PCDHGB2: variants seen among roughly 807,000 people sequenced by gnomAD.
The protein encoded by PCDHGB2 is protocadherin gamma-B2.
A neutral mutation model predicts 59.3 loss-of-function variants in PCDHGB2; 55 were observed. That is an observed-to-expected ratio of 0.93 (90% CI 0.75 to 1.16). PCDHGB2 has a LOEUF of 1.16. PCDHGB2 is among the 50% of genes most tolerant of loss of function. The probability of loss-of-function intolerance (pLI) is 0.00; values close to 1 mark genes in which losing one functional copy is unlikely to be tolerated. For synonymous variants in PCDHGB2, 516 were observed against 512.0 expected (o/e 1.01, Z -0.11); for missense variants, 1,228 against 1,198.5 (o/e 1.02, Z -0.36).
chr5:141,388,708 C>A lies in PCDHGB2; in HGVS notation c.2421+26152C>A, dbSNP rs764003797. On this transcript the variant is annotated intron_variant, in intron 1 of 3. Transcript: ENST00000522605. ...ACGGACCAGGATGAGGGTGTCAATG[C>A]CGAGATTACTTTCTCTTTCAGTGAA... 1.9e-6 allele frequency: 3 copies of A among 1,613,842 alleles called. No individual in the cohort carries two copies. The highest frequency in any genetic ancestry group is 2.5e-6 in the Non-Finnish European group (3 of 1,179,882).
rs562410567 is a variant in PCDHGB2 at position 141,413,096 on chromosome 5, G to A, written c.2421+50540G>A. On this transcript the variant is annotated intron_variant, in intron 1 of 3. Transcript: ENST00000522605. ...GCCCAGGCTACAGAGACACCCTGAA[G>A]CCACAGAAAGACAAAGGAACCGGTT... 25 of 1,445,574 alleles carry A rather than the reference G, an allele frequency of 1.7e-5. No homozygotes were observed. The African/African-American group carries it at 3.3e-4, about 19-fold the overall frequency. The allele number at this position is 1,445,574 out of a possible 1,614,324, so 89.5% of individuals were successfully genotyped here.
intron 1 of PCDHGB2, chr5:141,392,725 A>G: frequency 7.1e-7 from 1 of 1,399,540 alleles, no homozygotes; most frequent in South Asian, 1.6e-5. Flanking sequence ...TTTCCGGAGG[A>G]TTGTCATCTC....
chr5:141,394,174 A>T, intron 1 of PCDHGB2: 1 of 1,613,824 alleles, frequency 6.2e-7, no homozygotes, highest in Non-Finnish European at 8.5e-7. Flanking sequence ...ACTTTCCCTC[A>T]TGCCTCCTAC....
intron 1 of PCDHGB2, chr5:141,371,300 CA>C: frequency 6.2e-7 from 1 of 1,613,950 alleles, no homozygotes; most frequent in Non-Finnish European, 8.5e-7. Flanking sequence ...GGGAACTCAC[CA>C]CTATTGGAGA....
chr5:141,403,540 G>A (rs752983401), intron 1 of PCDHGB2: 2 of 1,613,886 alleles, frequency 1.2e-6, no homozygotes, highest in African/African-American at 2.7e-5. Context: ...AGCTGGTGCT[G>A]GAGCGCGCCC....
chr5:141,486,504 A>G lies in PCDHGB2; in HGVS notation c.2422-8303A>G. ...AGTACCCACAGAACTATTTTCCTCA[A>G]TATTTCAGATGTGAATGATAATCCA... On this transcript the variant is annotated intron_variant, in intron 1 of 3. Transcript: ENST00000522605. The surrounding 1 kb of genome is among the most constrained non-coding windows in gnomAD (Gnocchi z 5.0). 7.4e-6 allele frequency: 12 copies of G among 1,614,100 alleles called. No individual in the cohort carries two copies. Among genetic ancestry groups the G allele is most frequent in the Non-Finnish European group, 1.0e-5 (12 of 1,179,986 alleles).
Position 141,371,037 on chromosome 5 carries a change from G to A in PCDHGB2, c.2421+8481G>A, listed in dbSNP as rs373150812. 63 of 1,613,876 alleles carry A rather than the reference G, an allele frequency of 3.9e-5. No homozygotes were observed. The African/African-American group carries it at 7.9e-4, about 20-fold the overall frequency. ...ACATCACCACCTGGTCCTCACAGCT[G>A]TGGATGGGGGCGAGCCCTCCAGAAG... On this transcript the variant is annotated intron_variant, in intron 1 of 3. Transcript: ENST00000522605.
At chr5:141,365,469 G>A in intron 1 of PCDHGB2, 2 of 1,614,010 alleles carry the variant, frequency 1.2e-6, no homozygotes, top group Non-Finnish European at 1.7e-6. Flanking sequence ...GGAGAAAATG[G>A]TGAGATTGCA....
At chr5:141,499,570 A>C (rs1027373056) in intron 2 of PCDHGB2, among the ~76,000 whole-genome samples, 2 of 152,200 alleles carry the variant, frequency 1.3e-5, no homozygotes, top group Non-Finnish European at 2.9e-5. Flanking sequence ...TCCAGCTTCA[A>C]CTAATGCCTT....
At position 141,408,870 on chromosome 5, in the gene PCDHGB2, G is replaced by C. The variant is rs780987841; in HGVS notation, c.2421+46314G>C. ...TTGGACGGAGGGGACCCACCAAGAAGTGCCACCGCTCACATAGAAATTTCT... is the reference window on the plus strand; with the variant it reads ...TTGGACGGAGGGGACCCACCAAGAACTGCCACCGCTCACATAGAAATTTCT... On this transcript the variant is annotated intron_variant, in intron 1 of 3. Coordinates refer to ENST00000522605, the MANE Select transcript of PCDHGB2 (RefSeq NM_018923.3). The C allele has an allele frequency of 1.2e-6, 2 of 1,613,656 alleles. No homozygotes were observed. Among genetic ancestry groups the C allele is most frequent in the South Asian group, 1.1e-5 (1 of 91,026 alleles).
rs2093887845 is a variant in PCDHGB2, at chr5:141,399,791, C to T, written c.2421+37235C>T. ...TTGGTGGGCGACCGAAACGACAACG[C>T]ACCGCGGGTGCTGTACCCCGCGCTG... On this transcript the variant is annotated intron_variant, in intron 1 of 3. Transcript: ENST00000522605. 1.2e-6 allele frequency: 2 copies of T among 1,613,128 alleles called. No individual in the cohort carries two copies. Among genetic ancestry groups the T allele is most frequent in the Admixed American group, 1.7e-5 (1 of 59,984 alleles).
chr5:141,443,974 G>A (rs775899117), intron 1 of PCDHGB2, among the ~76,000 whole-genome samples: 5 of 152,066 alleles, frequency 3.3e-5, no homozygotes, highest in Non-Finnish European at 7.4e-5. Context: ...GTCCATCTAA[G>A]CTATGTTAAT....
chr5:141,369,009 CT>C (rs1295175926), intron 1 of PCDHGB2, among the ~76,000 whole-genome samples: 2 of 152,148 alleles, frequency 1.3e-5, no homozygotes, highest in African/African-American at 4.8e-5. Context: ...GAACTCATTG[CT>C]TATTGCTGCA....
At chr5:141,402,820 C>G (rs1351401631) in intron 1 of PCDHGB2, 2 of 1,288,046 alleles carry the variant, frequency 1.6e-6, no homozygotes, top group Admixed American at 5.9e-5. Flanking sequence ...CACAAACCTG[C>G]TCCCAGGCTG....
rs143168452 is a variant in PCDHGB2 at position 141,504,127 on chromosome 5, C to T, written c.2481-1266C>T. Among the ~76,000 whole-genome samples the T allele has an allele frequency of 1.3e-3, 195 of 152,220 alleles. 2 individuals carry two copies. The highest frequency in any genetic ancestry group is 4.4e-3 in the African/African-American group (181 of 41,520). On this transcript the variant is annotated intron_variant, in intron 2 of 3. Transcript: ENST00000522605. ...CTGTGTGTGTGCCAGGGCTGTTTCC[C>T]GCCAACACTCCCCTGCAAATTGAAA...
Position 141,453,270 on chromosome 5 carries a change from T to C in PCDHGB2, c.2422-41537T>C, listed in dbSNP as rs1592250907. 4.6e-5 allele frequency among the ~76,000 whole-genome samples: 7 copies of C among 152,146 alleles called. No homozygotes were observed. In the South Asian group the frequency reaches 1.5e-3, roughly 32 times the overall value. On this transcript the variant is annotated intron_variant, in intron 1 of 3. Transcript: ENST00000522605. The stretch of plus-strand genomic sequence containing the variant: ...CTGGGGCTGCAAGTGCACACCACCA[T>C]GACTGGCTAATTTTTTAATTATTTA...
In PCDHGB2 at chr5:141,476,331, C is replaced by T; in HGVS notation, c.2422-18476C>T. On this transcript the variant is annotated intron_variant, in intron 1 of 3. Transcript: ENST00000522605. This position sits in a 1 kb window ranked among gnomAD's most constrained non-coding sequence, Gnocchi z 7.6. Reference sequence around the variant, plus strand: ...CGCAGGTTCCGGGTGGTGTCTGGAGCTAGCCGAAGATTCTTTGAGGTGAAC... The same window carrying T: ...CGCAGGTTCCGGGTGGTGTCTGGAGTTAGCCGAAGATTCTTTGAGGTGAAC... 1.2e-6 allele frequency: 2 copies of T among 1,614,156 alleles called. No individual in the cohort carries two copies. Among genetic ancestry groups the T allele is most frequent in the Non-Finnish European group, 1.7e-6 (2 of 1,180,042 alleles).
chr5:141,495,000 G>A lies in PCDHGB2; in HGVS notation c.2480+135G>A, dbSNP rs191756104. ...AGTTTGAGATCCCAGGGAGGTCTTG[G>A]TGTGCGGGGGGCTGGCACACAGACC... On this transcript the variant is annotated intron_variant, in intron 2 of 3. Transcript: ENST00000522605. 1.3e-4 allele frequency: 202 copies of A among 1,531,656 alleles called. 2 individuals carry two copies. The African/African-American group carries it at 2.4e-3, about 19-fold the overall frequency. The allele number at this position is 1,531,656 out of a possible 1,614,324, so 94.9% of individuals were successfully genotyped here. A position where few individuals can be genotyped will look rare whatever the true frequency, so the allele number is the denominator to read the frequency against.
At chr5:141,458,728 T>A (rs1010109573) in intron 1 of PCDHGB2, among the ~76,000 whole-genome samples, 1 of 151,870 alleles carries the variant, frequency 6.6e-6, no homozygotes, top group Non-Finnish European at 1.5e-5. Context: ...CGCCACCACA[T>A]CCAGCTATTG....
Sources: allele counts gnomAD v4.1 joint callset (sites outside exome capture counted in the v4.1 genomes callset), GRCh38; gene constraint gnomAD v4.1.1; non-coding constraint Gnocchi (gnomAD v3.1); transcripts MANE v1.5; gene names NCBI Gene and HGNC (gene_info 2026-07-23, HGNC 2026-07-21).